TMEM26: variants seen among roughly 807,000 people sequenced by gnomAD.
TMEM26 encodes the protein transmembrane protein 26.
TMEM26 carries 38 observed loss-of-function variants against 28.8 expected under a neutral mutation model. The ratio of observed to expected loss-of-function variants is 1.32; its 90% CI spans 1.02 to 1.73. The LOEUF (loss-of-function observed/expected upper bound fraction) is 1.73, where lower values mean the gene tolerates loss of function less well. Ranked by LOEUF, TMEM26 falls within the 40% of genes most tolerant of loss-of-function variation. TMEM26 has a pLI of 0.00. For synonymous variants in TMEM26, 227 were observed against 182.9 expected (o/e 1.24, Z -1.95); for missense variants, 518 against 447.1 (o/e 1.16, Z -1.43).
At chr10:61,427,535 A>G (rs1390492218) in intron 4 of TMEM26, among the ~76,000 whole-genome samples, 1 of 152,074 alleles carries the variant, frequency 6.6e-6, no homozygotes, top group Admixed American at 6.6e-5. Context: ...AAATTATTTA[A>G]TATTCAACCT....
rs1482858698 is a variant in TMEM26 at position 61,431,112 on chromosome 10, T to A, written c.384+107A>T. 8.0e-6 allele frequency: 7 copies of A among 870,378 alleles called. No homozygotes were observed. The African/African-American group carries it at 1.2e-4, about 15-fold the overall frequency. The allele number at this position is 870,378 out of a possible 1,614,324, so 53.9% of individuals were successfully genotyped here. On this transcript the variant is annotated intron_variant, in intron 3 of 5. Coordinates refer to ENST00000399298, the MANE Select transcript of TMEM26 (RefSeq NM_178505.8). ...ATTCCTAAGCCAAACAATGGATAACTTTCTTCAGGAAAGAATTAGCTGGGA... is the reference window on the plus strand; with the variant it reads ...ATTCCTAAGCCAAACAATGGATAACATTCTTCAGGAAAGAATTAGCTGGGA...
At chr10:61,448,684 A>T (rs1021198152) in intron 1 of TMEM26, among the ~76,000 whole-genome samples, 3 of 147,278 alleles carry the variant, frequency 2.0e-5, no homozygotes, top group Non-Finnish European at 4.5e-5. Context: ...CTTGCTCATT[A>T]AGCAATTCAA....
At chr10:61,410,999 T>C (rs1426372077) in intron 5 of TMEM26, among the ~76,000 whole-genome samples, 1 of 152,146 alleles carries the variant, frequency 6.6e-6, no homozygotes, top group Non-Finnish European at 1.5e-5. Context: ...CAAAGCACAA[T>C]TAAATAGATT....
intron 1 of TMEM26, among the ~76,000 whole-genome samples, chr10:61,445,536 A>G (rs1024431165): frequency 2.0e-5 from 3 of 152,120 alleles, no homozygotes; most frequent in Non-Finnish European, 4.4e-5. Context: ...TTAAATAACT[A>G]TAGGTAATAG....
chr10:61,415,131 G>A (rs1488237960), intron 4 of TMEM26: 1 of 985,136 alleles, frequency 1.0e-6, no homozygotes, highest in African/African-American at 1.7e-5. Flanking sequence ...ACACAATCAG[G>A]ATTCCAAAAG....
chr10:61,434,318 CT>C (rs556798934), intron 2 of TMEM26, among the ~76,000 whole-genome samples: 1 of 151,816 alleles, frequency 6.6e-6, no homozygotes, highest in Non-Finnish European at 1.5e-5. Context: ...GCTCAAAAAT[CT>C]TTTTTTATTA....
At chr10:61,440,514 C>CA (rs60111640) in intron 1 of TMEM26, among the ~76,000 whole-genome samples, 35,209 of 98,818 alleles carry the variant, frequency 0.36, 5,984 homozygotes, top group East Asian at 0.57. Context: ...TTCCAGTTCT[C>CA]AAAAAAAAAA....
chr10:61,444,845 C>T (rs1181468778), intron 1 of TMEM26, among the ~76,000 whole-genome samples: 1 of 151,994 alleles, frequency 6.6e-6, no homozygotes, highest in Non-Finnish European at 1.5e-5. Context: ...TTCTCCAGAC[C>T]TCTAAGCTGT....
chr10:61,424,823 G>A (rs956280316), intron 4 of TMEM26, among the ~76,000 whole-genome samples: 1 of 152,126 alleles, frequency 6.6e-6, no homozygotes, highest in East Asian at 1.9e-4. Flanking sequence ...AATAAAGAAA[G>A]ACTCCTTTCA....
At chr10:61,448,275 T>C (rs751554595) in intron 1 of TMEM26, among the ~76,000 whole-genome samples, 8 of 152,258 alleles carry the variant, frequency 5.3e-5, no homozygotes, top group Non-Finnish European at 1.2e-4. Flanking sequence ...CCCGACCCAA[T>C]ATTCTGCAGC....
chr10:61,430,188 C>G (rs141617860), intron 3 of TMEM26, among the ~76,000 whole-genome samples: 4 of 151,900 alleles, frequency 2.6e-5, no homozygotes, highest in Non-Finnish European at 5.9e-5. Context: ...AGAAACTAAG[C>G]GATTGTCCAG....
chr10:61,412,526 G>A (rs1364898796), intron 5 of TMEM26, among the ~76,000 whole-genome samples: 3 of 152,078 alleles, frequency 2.0e-5, no homozygotes, highest in Non-Finnish European at 1.5e-5. Flanking sequence ...GTCAGGCTAA[G>A]GAAAACATAA....
intron 4 of TMEM26, among the ~76,000 whole-genome samples, chr10:61,417,916 C>T (rs549399575): frequency 6.6e-6 from 1 of 151,984 alleles, no homozygotes; most frequent in South Asian, 2.1e-4. Context: ...CAAAAATTGT[C>T]AAAAACAACG....
At chr10:61,423,288 A>T (rs1272452420) in intron 4 of TMEM26, among the ~76,000 whole-genome samples, 1 of 152,208 alleles carries the variant, frequency 6.6e-6, no homozygotes, top group Non-Finnish European at 1.5e-5. Flanking sequence ...AAATAAGACC[A>T]AACCTATGTA....
rs142834222 is a variant in TMEM26, at chr10:61,406,903, C to T, written c.*3419G>A. The T allele has an allele frequency of 5.4e-4, 82 of 151,936 alleles. 1 individual carries two copies. The highest frequency in any genetic ancestry group is 3.3e-3 in the East Asian group (17 of 5,166). 9.4% of individuals were successfully genotyped at this position (151,936 alleles called of 1,614,324 possible). On this transcript the variant is annotated 3_prime_UTR_variant, in exon 6 of 6. Transcript: ENST00000399298. ...ATCCTCCAGCCGCCTAGTTTAACCC[C>T]AAATCAGATGTTTCTGAGAGCAAAT...
chr10:61,447,350 A>C (rs1298696178), intron 1 of TMEM26, among the ~76,000 whole-genome samples: 1 of 152,252 alleles, frequency 6.6e-6, no homozygotes, highest in Non-Finnish European at 1.5e-5. Flanking sequence ...TAAAACTTAT[A>C]CATCAAGATC....
At chr10:61,449,352 C>G (rs567228196) in intron 1 of TMEM26, among the ~76,000 whole-genome samples, 1 of 152,266 alleles carries the variant, frequency 6.6e-6, no homozygotes, top group South Asian at 2.1e-4. Context: ...AGGATTCCAA[C>G]AAATCAAACC....
At chr10:61,410,784 G>A (rs1019918868) in intron 5 of TMEM26, 38 bp from the exon 6 acceptor site, 11 of 1,595,444 alleles carry the variant, frequency 6.9e-6, no homozygotes, top group Non-Finnish European at 9.4e-6. Flanking sequence ...ATCTCTCTTG[G>A]AAGTGTAGAC....
chr10:61,423,527 A>C (rs2135300854), intron 4 of TMEM26, among the ~76,000 whole-genome samples: 1 of 152,154 alleles, frequency 6.6e-6, no homozygotes, highest in East Asian at 1.9e-4. Context: ...GGGGACTGAA[A>C]CCAGGAGTTC....
Sources: gnomAD v4.1 joint callset for allele counts (sites outside exome capture counted in the v4.1 genomes callset) on GRCh38, gnomAD v4.1.1 for gene constraint, MANE v1.5 for transcripts, NCBI Gene and HGNC (gene_info 2026-07-23, HGNC 2026-07-21) for gene names.